Variants in ADGRV1 observed in about 807,000 individuals in gnomAD.
ADGRV1 encodes the protein adhesion G protein-coupled receptor V1.
A neutral mutation model predicts 596.2 loss-of-function variants in ADGRV1; 359 were observed. The observed-to-expected ratio is 0.60, with a 90% CI of 0.55 to 0.66. ADGRV1 has a LOEUF of 0.66. Ranked by LOEUF, ADGRV1 falls within the 30% of genes least tolerant of loss-of-function variation. The probability of loss-of-function intolerance (pLI) is 0.00; values close to 1 mark genes in which losing one functional copy is unlikely to be tolerated. For synonymous variants in ADGRV1, 2,681 were observed against 2,679.2 expected (o/e 1.00, Z -0.02); for missense variants, 7,274 against 7,575.6 (o/e 0.96, Z 1.48).
At chr5:90,700,394 A>G (rs1268632447) in intron 34 of ADGRV1, among the ~76,000 whole-genome samples, 2 of 152,214 alleles carry the variant, frequency 1.3e-5, no homozygotes, top group Non-Finnish European at 2.9e-5. Context: ...CTAACAATGT[A>G]TTGAATTCTG....
chr5:91,044,464 T>A (rs1785623483), intron 85 of ADGRV1, among the ~76,000 whole-genome samples: 1 of 152,190 alleles, frequency 6.6e-6, no homozygotes, highest in South Asian at 2.1e-4. Context: ...TGTGCATTTT[T>A]TTCAGTATTG....
intron 84 of ADGRV1, among the ~76,000 whole-genome samples, chr5:90,982,567 T>G (rs893353643): frequency 2.4e-4 from 37 of 152,224 alleles, no homozygotes; most frequent in African/African-American, 8.9e-4. Flanking sequence ...GATAACTCAT[T>G]GAACCTAAGA....
At chr5:90,718,865 G>C (rs1348081320) in intron 43 of ADGRV1, among the ~76,000 whole-genome samples, 1 of 151,108 alleles carries the variant, frequency 6.6e-6, no homozygotes, top group African/African-American at 2.4e-5. Context: ...TTTTTATTAG[G>C]CAAATTAAAT....
intron 77 of ADGRV1, among the ~76,000 whole-genome samples, chr5:90,839,156 A>G (rs934781202): frequency 6.6e-6 from 1 of 152,050 alleles, no homozygotes; most frequent in Non-Finnish European, 1.5e-5. Context: ...TGAATAATGA[A>G]CCTACATGCC....
At chr5:90,792,696 C>G (rs1213930589) in intron 70 of ADGRV1, 1 of 152,168 alleles carries the variant, frequency 6.6e-6, no homozygotes, top group Non-Finnish European at 1.5e-5. Context: ...TGAAATTAAA[C>G]ATTGAAATAA....
chr5:90,640,673 G>T (rs931219054), intron 11 of ADGRV1: 17 of 152,604 alleles, frequency 1.1e-4, no homozygotes, highest in African/African-American at 3.9e-4. Context: ...AGGGTGCAGA[G>T]TTCCCATAAA....
intron 45 of ADGRV1, 127 bp downstream of exon 45, chr5:90,721,186 CT>C: frequency 1.3e-6 from 1 of 788,404 alleles, no homozygotes; most frequent in Non-Finnish European, 1.9e-6. Flanking sequence ...TAATCTAATT[CT>C]TTTATTGCAT....
intron 50 of ADGRV1, among the ~76,000 whole-genome samples, chr5:90,743,209 CTT>C (rs1434648263): frequency 2.0e-5 from 3 of 152,100 alleles, no homozygotes; most frequent in Non-Finnish European, 2.9e-5. Context: ...TTTTATAAAA[CTT>C]GATGAAAAAT....
chr5:90,686,448 A>C (rs1745662132), intron 29 of ADGRV1, among the ~76,000 whole-genome samples: 1 of 151,948 alleles, frequency 6.6e-6, no homozygotes, highest in Non-Finnish European at 1.5e-5. Flanking sequence ...CCCACCTATG[A>C]GTGAGAATAT....
intron 83 of ADGRV1, among the ~76,000 whole-genome samples, chr5:90,939,088 T>A (rs191285267): frequency 1.2e-3 from 186 of 152,356 alleles, no homozygotes; most frequent in Non-Finnish European, 1.9e-3. Flanking sequence ...TGTCTATCAA[T>A]CAAAGGTGCC....
At chr5:90,661,872 T>C (rs942330381) in intron 21 of ADGRV1, among the ~76,000 whole-genome samples, 2 of 152,216 alleles carry the variant, frequency 1.3e-5, no homozygotes, top group African/African-American at 4.8e-5. Context: ...TTTCTATGTC[T>C]TATGCATTTC....
intron 85 of ADGRV1, among the ~76,000 whole-genome samples, chr5:91,071,112 GGA>G (rs1046629842): frequency 2.0e-5 from 3 of 152,102 alleles, no homozygotes; most frequent in Non-Finnish European, 4.4e-5. Flanking sequence ...AACTCCAAAT[GGA>G]GAGAGAGGGA....
chr5:90,782,702 C>T (rs1758980569), intron 65 of ADGRV1, among the ~76,000 whole-genome samples: 1 of 151,882 alleles, frequency 6.6e-6, no homozygotes, highest in Non-Finnish European at 1.5e-5. Flanking sequence ...ATATCATAAA[C>T]CTCATTTATT....
At chr5:90,562,976 G>T (rs7737581) in intron 1 of ADGRV1, among the ~76,000 whole-genome samples, 9,605 of 152,244 alleles carry the variant, frequency 0.063, 884 homozygotes, top group African/African-American at 0.21. Context: ...CATTTGAGCA[G>T]AGAGATTTTT....
intron 82 of ADGRV1, among the ~76,000 whole-genome samples, chr5:90,856,367 ATGCCAACCAC>A (rs1174388269): frequency 6.6e-6 from 1 of 152,226 alleles, no homozygotes; most frequent in Admixed American, 6.6e-5. Flanking sequence ...AGTTGTGAAT[ATGCCAACCAC>A]TGTGTTAAAA....
intron 1 of ADGRV1, among the ~76,000 whole-genome samples, chr5:90,607,297 C>T (rs1460092035): frequency 6.6e-6 from 1 of 152,084 alleles, no homozygotes; most frequent in Non-Finnish European, 1.5e-5. Context: ...ACCTTTAAAA[C>T]TTTGGTGGTG....
intron 86 of ADGRV1, among the ~76,000 whole-genome samples, chr5:91,100,233 G>A (rs918994418): frequency 6.6e-6 from 1 of 152,142 alleles, no homozygotes; most frequent in Admixed American, 6.5e-5. Context: ...ACCAGCCGGG[G>A]CAACATGGCG....
intron 77 of ADGRV1, 74 bp downstream of exon 77, chr5:90,829,260 G>A: frequency 6.0e-6 from 7 of 1,158,232 alleles, no homozygotes; most frequent in African/African-American, 1.5e-5. Flanking sequence ...ATGACATAGG[G>A]AATAATTGAT....
At chr5:90,884,938 A>G (rs1770136422) in intron 83 of ADGRV1, among the ~76,000 whole-genome samples, 1 of 152,128 alleles carries the variant, frequency 6.6e-6, no homozygotes. Context: ...TCATTCCTGT[A>G]CAATGGCCTG....
Sources: allele counts gnomAD v4.1 joint callset (sites outside exome capture counted in the v4.1 genomes callset), GRCh38; gene constraint gnomAD v4.1.1; transcripts MANE v1.5; gene names NCBI Gene and HGNC (gene_info 2026-07-23, HGNC 2026-07-21).